Variants in KCND3 observed in about 807,000 individuals in gnomAD.
The protein encoded by KCND3 is potassium voltage-gated channel subfamily D member 3.
Under a neutral mutation model 51.1 loss-of-function variants are expected in KCND3, and 9 were observed. That is an observed-to-expected ratio of 0.18 (90% confidence interval 0.11 to 0.31). The LOEUF is 0.31. Ranked by LOEUF, KCND3 falls within the 10% of genes least tolerant of loss-of-function variation. The pLI is 1.00. For synonymous variants in KCND3, 349 were observed against 368.0 expected, an observed-to-expected ratio of 0.95 and a Z score of 0.59; for missense variants, 526 against 903.8, an observed-to-expected ratio of 0.58 and a Z score of 5.36.
chr1:111,801,563 G>A (rs1011208775), intron 2 of KCND3, among the ~76,000 whole-genome samples: 12 of 152,156 alleles, frequency 7.9e-5, no homozygotes, highest in Admixed American at 2.6e-4. Context: ...AAACGGTAGC[G>A]GTAGTGACCA....
chr1:111,778,537 T>C, intron 5 of KCND3, 45 bp from the exon 6 acceptor site: 1 of 1,577,358 alleles, frequency 6.3e-7, no homozygotes, highest in Non-Finnish European at 8.7e-7. Context: ...CCATTGATTG[T>C]ACATTCCAGC....
intron 2 of KCND3, among the ~76,000 whole-genome samples, chr1:111,838,957 AAT>A (rs112402007): frequency 9.2e-5 from 14 of 152,320 alleles, no homozygotes; most frequent in African/African-American, 3.4e-4. Context: ...CTAAAAAAAA[AAT>A]ACCCTACTAG....
At chr1:111,825,688 G>T (rs11102338) in intron 2 of KCND3, among the ~76,000 whole-genome samples, 6,854 of 152,172 alleles carry the variant, frequency 0.045, 188 homozygotes, top group African/African-American at 0.076. Flanking sequence ...ATTGTATTTT[G>T]TTTTCTTCTA....
intron 2 of KCND3, among the ~76,000 whole-genome samples, chr1:111,848,534 A>G (rs1369752275): frequency 6.6e-6 from 1 of 152,184 alleles, no homozygotes; most frequent in Non-Finnish European, 1.5e-5. Context: ...AGGCTCACAG[A>G]TACTCAAGCC....
intron 2 of KCND3, among the ~76,000 whole-genome samples, chr1:111,831,334 G>T (rs1666823998): frequency 6.6e-6 from 1 of 152,150 alleles, no homozygotes; most frequent in Admixed American, 6.5e-5. Context: ...GGAGGTGATT[G>T]GATCCTGGGG....
Position 111,780,794 on chromosome 1 carries a change from G to A in KCND3, c.1270-3C>T. The A allele has an allele frequency of 6.2e-7, 1 of 1,609,602 alleles. No individual in the cohort carries two copies. Among genetic ancestry groups the A allele is most frequent in the Non-Finnish European group, 8.5e-7 (1 of 1,177,296 alleles). ...CGGATCCTGGCAAGGCGGGCCTTCT[G>A]TGATTGGCAGAGATAATAAAAGAAT... On this transcript the variant is annotated splice_region_variant and splice_polypyrimidine_tract_variant and intron_variant, in intron 3 of 7. Transcript: ENST00000302127. This position sits in a 1 kb window ranked among gnomAD's most constrained non-coding sequence, Gnocchi z 4.2.
chr1:111,828,655 C>T (rs888388146), intron 2 of KCND3, among the ~76,000 whole-genome samples: 3 of 152,170 alleles, frequency 2.0e-5, no homozygotes, highest in East Asian at 3.8e-4. Flanking sequence ...ATCTGCTATG[C>T]ACCATATGCC....
intron 2 of KCND3, among the ~76,000 whole-genome samples, chr1:111,973,150 T>A (rs1465616611): frequency 6.6e-6 from 1 of 152,252 alleles, no homozygotes; most frequent in African/African-American, 2.4e-5. Flanking sequence ...GCTGATCAGT[T>A]AATATTTGCA....
intron 2 of KCND3, among the ~76,000 whole-genome samples, chr1:111,943,434 CT>C (rs1470922716): frequency 7.9e-5 from 12 of 152,214 alleles, no homozygotes; most frequent in Non-Finnish European, 2.9e-5. Flanking sequence ...ACTTAAGACA[CT>C]GGCTCATGGA....
intron 2 of KCND3, among the ~76,000 whole-genome samples, chr1:111,856,659 T>A (rs553556547): frequency 6.6e-6 from 1 of 152,370 alleles, no homozygotes; most frequent in South Asian, 2.1e-4. Context: ...CAAAGGTGAC[T>A]GCTGGCTAGC....
chr1:111,838,619 T>C (rs1394437586), intron 2 of KCND3, among the ~76,000 whole-genome samples: 2 of 152,094 alleles, frequency 1.3e-5, no homozygotes, highest in African/African-American at 4.8e-5. Flanking sequence ...ATCGCACCAC[T>C]GCACTCCAGC....
Position 111,775,103 on chromosome 1 carries a change from T to C in KCND3, c.*974A>G, listed in dbSNP as rs747490382. The C allele has an allele frequency of 4.6e-5, 7 of 152,198 alleles. No homozygotes were observed. The highest frequency in any genetic ancestry group is 7.2e-5 in the African/African-American group (3 of 41,446). The allele number at this position is 152,198 out of a possible 1,614,324, so 9.4% of individuals were successfully genotyped here. A position where few individuals can be genotyped will look rare whatever the true frequency, so the allele number is the denominator to read the frequency against. ...GTACCTCTGTTCTGTGAGGTAGACTTCCCTTACCCCTAAACTCTCCCAATT... is the reference window on the plus strand; with the variant it reads ...GTACCTCTGTTCTGTGAGGTAGACTCCCCTTACCCCTAAACTCTCCCAATT... On this transcript the variant is annotated 3_prime_UTR_variant, in exon 8 of 8. Transcript: ENST00000302127.
At chr1:111,985,524 G>A (rs1261746517) in intron 1 of KCND3, among the ~76,000 whole-genome samples, 1 of 152,192 alleles carries the variant, frequency 6.6e-6, no homozygotes, top group Admixed American at 6.5e-5. Context: ...ATAGTGAACT[G>A]CATCAGTAGG....
At chr1:111,805,202 A>G (rs1665507433) in intron 2 of KCND3, among the ~76,000 whole-genome samples, 1 of 151,590 alleles carries the variant, frequency 6.6e-6, no homozygotes. Context: ...ATTAGTCTCA[A>G]TGGAATATCA....
chr1:111,804,177 C>T (rs1412931890), intron 2 of KCND3, among the ~76,000 whole-genome samples: 11 of 152,356 alleles, frequency 7.2e-5, no homozygotes, highest in Middle Eastern at 3.4e-3. Context: ...CCCTGGCTTC[C>T]GCCAAGGTGA....
chr1:111,848,464 G>C (rs1346502680), intron 2 of KCND3, among the ~76,000 whole-genome samples: 1 of 152,138 alleles, frequency 6.6e-6, no homozygotes, highest in African/African-American at 2.4e-5. Flanking sequence ...CCCTCCCCTA[G>C]GTGCTGATCT....
intron 2 of KCND3, among the ~76,000 whole-genome samples, chr1:111,961,718 G>A (rs1358282152): frequency 1.3e-5 from 2 of 152,202 alleles, no homozygotes; most frequent in African/African-American, 2.4e-5. Context: ...GCATTTGAAG[G>A]TTTCATGGCA....
intron 2 of KCND3, among the ~76,000 whole-genome samples, chr1:111,959,863 G>A (rs1299198863): frequency 1.3e-5 from 2 of 152,002 alleles, no homozygotes; most frequent in Admixed American, 6.6e-5. Flanking sequence ...TGTAGTTCCC[G>A]TAATCCCCAT....
chr1:111,967,630 TGGA>T (rs984029958), intron 2 of KCND3, among the ~76,000 whole-genome samples: 28 of 152,240 alleles, frequency 1.8e-4, no homozygotes, highest in African/African-American at 6.8e-4. Context: ...TCTGCTTCTT[TGGA>T]GGAGAAGAAA....
Sources: gnomAD v4.1 joint callset for allele counts (sites outside exome capture counted in the v4.1 genomes callset) on GRCh38, gnomAD v4.1.1 for gene constraint, Gnocchi (gnomAD v3.1) non-coding constraint, MANE v1.5 for transcripts, NCBI Gene and HGNC (gene_info 2026-07-23, HGNC 2026-07-21) for gene names.